Variants in DPRX observed in about 807,000 individuals in gnomAD.
DPRX encodes the protein divergent-paired related homeobox, also known as divergent paired-related homeobox.
DPRX carries 11 observed loss-of-function variants against 8.4 expected under a neutral mutation model. The observed-to-expected ratio is 1.31, with a 90% CI of 0.82 to 2.17. The LOEUF is 2.17. Ranked by LOEUF, DPRX falls within the 30% of genes most tolerant of loss-of-function variation. The probability of loss-of-function intolerance (pLI) is 0.00; values close to 1 mark genes in which losing one functional copy is unlikely to be tolerated. For missense variants in DPRX, 211 were observed against 236.7 expected, an observed-to-expected ratio of 0.89 and a Z score of 0.71; for synonymous variants, 72 against 87.0, an observed-to-expected ratio of 0.83 and a Z score of 0.96.
At chr19:53,617,090 A>G in the DPRX span, 6 of 1,286,412 alleles carry the variant, frequency 4.7e-6, no homozygotes, top group Non-Finnish European at 6.8e-6. Context: ...CCTGTTTACA[A>G]TGGGAGGTTT....
upstream of DPRX, among the ~76,000 whole-genome samples, chr19:53,631,001 C>A (rs960239073): frequency 1.3e-5 from 2 of 151,920 alleles, no homozygotes; most frequent in Non-Finnish European, 2.9e-5. Context: ...TGCCCACCAC[C>A]ACACCCAGCT....
chr19:53,628,652 C>T (rs1224007083), upstream of DPRX, among the ~76,000 whole-genome samples: 1 of 151,748 alleles, frequency 6.6e-6, no homozygotes, highest in African/African-American at 2.4e-5. Flanking sequence ...GGCAATGACA[C>T]GATCTCCACT....
At chr19:53,629,378 A>G (rs1357071020), upstream of DPRX, among the ~76,000 whole-genome samples, 1 of 151,684 alleles carries the variant, frequency 6.6e-6, no homozygotes, top group Non-Finnish European at 1.5e-5. Flanking sequence ...ATAAACCTTG[A>G]AAACAACATG....
chr19:53,606,246 G>A, the DPRX span: 3 of 152,340 alleles, frequency 2.0e-5, no homozygotes, highest in Non-Finnish European at 4.4e-5. This position sits in a 1 kb window ranked among gnomAD's most constrained non-coding sequence, Gnocchi z 4.8. Context: ...GAGCACGCGA[G>A]GCGTGGGGAA....
At chr19:53,617,634 G>A in the DPRX span, among the ~76,000 whole-genome samples, 1 of 151,588 alleles carries the variant, frequency 6.6e-6, no homozygotes, top group African/African-American at 2.4e-5. Context: ...AGTTTTAAAG[G>A]CTGTCCAATC....
intron 1 of DPRX, 106 bp downstream of exon 1, chr19:53,632,240 T>G: frequency 6.9e-7 from 1 of 1,441,674 alleles, no homozygotes; most frequent in Non-Finnish European, 9.7e-7. Flanking sequence ...TGGTGCTTCG[T>G]CCACGTGGGT....
At chr19:53,601,267 A>G in the DPRX span, 3 of 456,092 alleles carry the variant, frequency 6.6e-6, no homozygotes, top group East Asian at 7.0e-5. Flanking sequence ...CCACTCACCA[A>G]TCAACATCCA....
chr19:53,636,948 G>C, exon 3 of DPRX: 1 of 1,612,032 alleles, frequency 6.2e-7, no homozygotes, highest in Non-Finnish European at 8.5e-7. Context: ...TTCCATTCTG[G>C]CTCTCCTGCC....
chr19:53,616,167 G>A, the DPRX span, among the ~76,000 whole-genome samples: 1,062 of 151,932 alleles, frequency 7.0e-3, 9 homozygotes, highest in African/African-American at 0.024. Flanking sequence ...CAGGAGAATC[G>A]CTTGAATCCA....
the DPRX span, among the ~76,000 whole-genome samples, chr19:53,613,648 C>T: frequency 1.9e-4 from 29 of 151,952 alleles, no homozygotes; most frequent in African/African-American, 6.3e-4. Flanking sequence ...GCATGAGCCA[C>T]CGCGCCTGGC....
At chr19:53,627,848 C>T (rs1251447579), upstream of DPRX, among the ~76,000 whole-genome samples, 1 of 151,124 alleles carries the variant, frequency 6.6e-6, no homozygotes, top group Non-Finnish European at 1.5e-5. Context: ...ATCAGGAGTT[C>T]GAGACCAGCC....
the DPRX span, among the ~76,000 whole-genome samples, chr19:53,610,175 G>A: frequency 5.5e-5 from 2 of 36,196 alleles, no homozygotes; most frequent in African/African-American, 1.6e-4. Context: ...AAAATTAGGC[G>A]GGTGTGGTGG....
At chr19:53,633,765 C>A (rs1031019504) in intron 1 of DPRX, among the ~76,000 whole-genome samples, 1 of 152,196 alleles carries the variant, frequency 6.6e-6, no homozygotes, top group Non-Finnish European at 1.5e-5. Context: ...GCCTTGGCCT[C>A]CCAAAGTGCT....
the DPRX span, among the ~76,000 whole-genome samples, chr19:53,604,214 T>C: frequency 6.6e-6 from 1 of 152,086 alleles, no homozygotes; most frequent in African/African-American, 2.4e-5. Context: ...TGATCATGTA[T>C]AGGGACTGGT....
intron 2 of DPRX, among the ~76,000 whole-genome samples, chr19:53,635,567 G>A (rs2091108846): frequency 6.6e-6 from 1 of 152,108 alleles, no homozygotes; most frequent in South Asian, 2.1e-4. Flanking sequence ...TTTTTGTAGA[G>A]ATGGGGTTTC....
the DPRX span, among the ~76,000 whole-genome samples, chr19:53,626,232 C>T: frequency 6.6e-6 from 1 of 152,104 alleles, no homozygotes; most frequent in Non-Finnish European, 1.5e-5. Context: ...GCCACCGTGA[C>T]TGGCCCCAGC....
chr19:53,619,919 C>CT, the DPRX span, among the ~76,000 whole-genome samples: 1 of 151,572 alleles, frequency 6.6e-6, no homozygotes, highest in Admixed American at 6.6e-5. Context: ...GGCTTGATTC[C>CT]TTTGAAGCCT....
chr19:53,632,280 G>A (rs11669354), intron 1 of DPRX, 146 bp downstream of exon 1: 71,994 of 980,038 alleles, frequency 0.073, 4,485 homozygotes, highest in East Asian at 0.27. Context: ...GGCTGTCATC[G>A]TTTTTGTTGT....
At chr19:53,608,940 A>C in the DPRX span, among the ~76,000 whole-genome samples, 1 of 127,546 alleles carries the variant, frequency 7.8e-6, no homozygotes, top group African/African-American at 3.0e-5. Flanking sequence ...GGGCGGACAG[A>C]GTGAGACTCC....
Sources: gnomAD v4.1 joint callset for allele counts (sites outside exome capture counted in the v4.1 genomes callset) on GRCh38, gnomAD v4.1.1 for gene constraint, Gnocchi (gnomAD v3.1) non-coding constraint, MANE v1.5 for transcripts, NCBI Gene and HGNC (gene_info 2026-07-23, HGNC 2026-07-21) for gene names.